Variants in POU6F2 observed in about 807,000 individuals in gnomAD.
POU6F2 encodes the protein POU class 6 homeobox 2.
In POU6F2, 31 loss-of-function variants were observed where a neutral mutation model predicts 71.3. The ratio of observed to expected loss-of-function variants is 0.43; its 90% CI spans 0.33 to 0.59. POU6F2 has a LOEUF of 0.59. POU6F2 is among the 20% of genes least tolerant of loss of function. The pLI is 0.04. For synonymous variants in POU6F2, 347 were observed against 355.7 expected, an observed-to-expected ratio of 0.98 and a Z score of 0.27; for missense variants, 783 against 856.8, an observed-to-expected ratio of 0.91 and a Z score of 1.07.
chr7:39,013,862 C>G (rs959923448), intron 1 of POU6F2, among the ~76,000 whole-genome samples: 1 of 152,146 alleles, frequency 6.6e-6, no homozygotes, highest in African/African-American at 2.4e-5. Context: ...CTTGGGTGTG[C>G]TGTAGAAACA....
At chr7:39,302,252 G>T (rs148692520) in intron 4 of POU6F2, among the ~76,000 whole-genome samples, 11 of 152,212 alleles carry the variant, frequency 7.2e-5, no homozygotes, top group African/African-American at 2.4e-5. Flanking sequence ...AAAAAAGAGG[G>T]TAATGGACAA....
chr7:39,134,974 A>G (rs921649618), intron 2 of POU6F2, among the ~76,000 whole-genome samples: 2 of 152,228 alleles, frequency 1.3e-5, no homozygotes, highest in African/African-American at 4.8e-5. Context: ...CAATAACCTT[A>G]AAAAGTTATG....
At chr7:39,417,180 T>C (rs1787700016) in intron 6 of POU6F2, among the ~76,000 whole-genome samples, 1 of 152,238 alleles carries the variant, frequency 6.6e-6, no homozygotes, top group Non-Finnish European at 1.5e-5. Context: ...AATTCACATG[T>C]GAGCGACATT....
chr7:39,247,574 G>A (rs903958405), intron 4 of POU6F2, among the ~76,000 whole-genome samples: 2 of 152,204 alleles, frequency 1.3e-5, no homozygotes, highest in Non-Finnish European at 2.9e-5. Context: ...GCTAATAAAT[G>A]ACAGAGAAGG....
chr7:39,262,634 T>C (rs1784158674), intron 4 of POU6F2, among the ~76,000 whole-genome samples: 5 of 152,238 alleles, frequency 3.3e-5, no homozygotes, highest in Admixed American at 3.3e-4. Flanking sequence ...GGGGAAACTT[T>C]AAAGTTATTA....
chr7:39,337,252 A>G (rs1384889676), intron 4 of POU6F2, among the ~76,000 whole-genome samples: 1 of 152,146 alleles, frequency 6.6e-6, no homozygotes, highest in Admixed American at 6.5e-5. Flanking sequence ...GGTTTGATGA[A>G]ATTTTGTTTT....
At chr7:39,047,242 A>G (rs907328658) in intron 1 of POU6F2, among the ~76,000 whole-genome samples, 1 of 151,810 alleles carries the variant, frequency 6.6e-6, no homozygotes, top group African/African-American at 2.4e-5. Flanking sequence ...CATTTTTCAC[A>G]AAAAAAGCCT....
intron 4 of POU6F2, among the ~76,000 whole-genome samples, chr7:39,257,516 C>T (rs758166748): frequency 1.3e-5 from 2 of 152,268 alleles, no homozygotes; most frequent in Non-Finnish European, 1.5e-5. Flanking sequence ...AAGCCGCTTA[C>T]ATTGTGTCTC....
chr7:39,211,928 C>T (rs532951090), intron 4 of POU6F2, among the ~76,000 whole-genome samples: 118 of 152,304 alleles, frequency 7.7e-4, no homozygotes, highest in Middle Eastern at 3.4e-3. Context: ...TCCATTTTGT[C>T]TCCTCTAAGG....
intron 4 of POU6F2, among the ~76,000 whole-genome samples, chr7:39,225,631 A>G (rs1794447135): frequency 6.6e-6 from 1 of 152,212 alleles, no homozygotes; most frequent in South Asian, 2.1e-4. Flanking sequence ...GTTCCCATGA[A>G]GGGAAAAATT....
chr7:39,133,354 C>T (rs2128730127), intron 2 of POU6F2, among the ~76,000 whole-genome samples: 1 of 152,302 alleles, frequency 6.6e-6, no homozygotes, highest in Middle Eastern at 3.4e-3. Context: ...AAAGCACCAA[C>T]ATCAATAGCT....
chr7:39,259,240 G>C (rs1404702494), intron 4 of POU6F2, among the ~76,000 whole-genome samples: 1 of 152,092 alleles, frequency 6.6e-6, no homozygotes, highest in East Asian at 1.9e-4. Flanking sequence ...TTTCAATGTT[G>C]TTCTCTATCG....
chr7:39,194,174 A>C (rs1793727612), intron 2 of POU6F2, among the ~76,000 whole-genome samples: 1 of 152,326 alleles, frequency 6.6e-6, no homozygotes, highest in Non-Finnish European at 1.5e-5. Flanking sequence ...CACATGAAAC[A>C]CATGAAACTC....
chr7:39,204,415 C>A, intron 3 of POU6F2, 89 bp downstream of exon 3: 4 of 1,064,092 alleles, frequency 3.8e-6, no homozygotes, highest in Non-Finnish European at 4.1e-6. Context: ...GAGTTAAATC[C>A]AATTGACTCC....
chr7:39,457,861 CAG>C (rs1562560182), intron 8 of POU6F2, among the ~76,000 whole-genome samples: 1 of 152,198 alleles, frequency 6.6e-6, no homozygotes. Flanking sequence ...TTCCCTCTCT[CAG>C]AGAGGCCAGA....
intron 4 of POU6F2, among the ~76,000 whole-genome samples, chr7:39,238,706 GT>G (rs1794721055): frequency 6.6e-6 from 1 of 152,126 alleles, no homozygotes. Context: ...CTGTTTGGAG[GT>G]TGGATCTGAG....
intron 3 of POU6F2, 82 bp from the exon 4 acceptor site, chr7:39,207,310 A>G (rs1177903587): frequency 7.6e-7 from 1 of 1,324,466 alleles, no homozygotes; most frequent in Non-Finnish European, 1.0e-6. Flanking sequence ...TTCTGACCCT[A>G]CTTAAGTGGA....
At position 39,464,470 on chromosome 7, in the gene POU6F2, G is replaced by A; in HGVS notation, c.1947G>A (p.Glu649=). The A allele has an allele frequency of 6.2e-7, 1 of 1,613,954 alleles. No homozygotes were observed. The highest frequency in any genetic ancestry group is 8.5e-7 in the Non-Finnish European group (1 of 1,179,870). The change falls in exon 10 of 10, where the codon GAG becomes GAA. Residue 649 remains glutamate (E), a synonymous_variant. Transcript: ENST00000518318. The surrounding 1 kb of genome is among the most constrained non-coding windows in gnomAD (Gnocchi z 4.1). ...RRTSFTPQAL[E]ILNAHFEKNT... is the part of the protein sequence containing the mutation. ...CCTCCTTCACACCCCAGGCCCTTGA[G>A]ATCCTCAATGCCCACTTTGAGAAGA...
chr7:39,367,363 T>C lies in POU6F2; in HGVS notation c.972+27348T>C, dbSNP rs1289416075. ...ATTTTAAAATCTGTGAATAAACATA[T>C]TTTAAAAGACACAGAATGGAAGAAT... On this transcript the variant is annotated intron_variant, in intron 5 of 9. Transcript: ENST00000518318. 5.9e-5 allele frequency among the ~76,000 whole-genome samples: 9 copies of C among 152,300 alleles called. No individual in the cohort carries two copies. The East Asian group carries it at 1.4e-3, about 23-fold the overall frequency.
Sources: gnomAD v4.1 joint callset for allele counts (sites outside exome capture counted in the v4.1 genomes callset) on GRCh38, gnomAD v4.1.1 for gene constraint, Gnocchi (gnomAD v3.1) non-coding constraint, MANE v1.5 for transcripts, NCBI Gene and HGNC (gene_info 2026-07-23, HGNC 2026-07-21) for gene names.